KLKB1: variants seen among roughly 807,000 people sequenced by gnomAD.
KLKB1 encodes the protein kallikrein B1, also known as plasma kallikrein.
KLKB1 carries 58 observed loss-of-function variants against 73.6 expected under a neutral mutation model. The observed-to-expected ratio is 0.79, with a 90% CI of 0.64 to 0.98. The LOEUF (loss-of-function observed/expected upper bound fraction) is 0.98, where lower values mean the gene tolerates loss of function less well. Ranked by LOEUF, KLKB1 falls within the 50% of genes least tolerant of loss-of-function variation. The pLI, the probability that KLKB1 is intolerant of heterozygous loss-of-function variation, is 0.00. For missense variants in KLKB1, 737 were observed against 763.8 expected (o/e 0.96, Z 0.41); for synonymous variants, 280 against 258.1 (o/e 1.08, Z -0.81).
At chr4:186,248,346 C>T (rs1344343828) in intron 6 of KLKB1, among the ~76,000 whole-genome samples, 1 of 152,140 alleles carries the variant, frequency 6.6e-6, no homozygotes, top group Non-Finnish European at 1.5e-5. Flanking sequence ...CTCCAATCCC[C>T]TGGCAACCAC....
rs770844018 is a variant in KLKB1 at position 186,238,372 on chromosome 4, G to A, written c.598+7G>A. 1.1e-5 allele frequency: 17 copies of A among 1,572,364 alleles called. No homozygotes were observed. The highest frequency in any genetic ancestry group is 1.7e-4 in the Middle Eastern group (1 of 5,992). Reference sequence around the variant, plus strand: ...TGTGCCCTTTCAGAAATTGGTAATTGTAGGACTACTTCACTTTGTGATTGT... The same window carrying A: ...TGTGCCCTTTCAGAAATTGGTAATTATAGGACTACTTCACTTTGTGATTGT... On this transcript the variant is annotated splice_region_variant and intron_variant, in intron 6 of 14. Transcript: ENST00000264690.
chr4:186,222,947 TG>T (rs1459295696), upstream of KLKB1, among the ~76,000 whole-genome samples: 6 of 152,204 alleles, frequency 3.9e-5, no homozygotes, highest in African/African-American at 1.4e-4. Flanking sequence ...AGGGACCTGT[TG>T]GGAGATGATT....
chr4:186,244,055 C>T (rs1202340347), intron 6 of KLKB1, among the ~76,000 whole-genome samples: 2 of 152,112 alleles, frequency 1.3e-5, no homozygotes, highest in Admixed American at 6.6e-5. Context: ...GGCTACAGGG[C>T]GTGGTCCTGG....
chr4:186,249,059 C>A (rs1306471483), intron 6 of KLKB1, among the ~76,000 whole-genome samples: 1 of 152,174 alleles, frequency 6.6e-6, no homozygotes, highest in African/African-American at 2.4e-5. Flanking sequence ...TTTATATACT[C>A]TGGATACTAC....
At chr4:186,246,530 A>G (rs548182594) in intron 6 of KLKB1, among the ~76,000 whole-genome samples, 184 of 152,310 alleles carry the variant, frequency 1.2e-3, no homozygotes, top group African/African-American at 4.3e-3. Flanking sequence ...ACCATTGTCG[A>G]GTTTGTATTG....
intron 5 of KLKB1, among the ~76,000 whole-genome samples, chr4:186,237,393 C>T (rs549823223): frequency 8.8e-4 from 134 of 152,136 alleles, no homozygotes; most frequent in African/African-American, 3.0e-3. Flanking sequence ...CACTGCGCCT[C>T]GCCCTTCATT....
At chr4:186,221,140 C>A (rs1286951796) in intron 2 of KLKB1, among the ~76,000 whole-genome samples, 1 of 151,738 alleles carries the variant, frequency 6.6e-6, no homozygotes, top group Non-Finnish European at 1.5e-5. Context: ...TCTGTGGTAT[C>A]CATTGTAATC....
At position 186,238,538 on chromosome 4, in the gene KLKB1, C is replaced by T. The variant is rs535732434; in HGVS notation, c.598+173C>T. 5.3e-5 allele frequency among the ~76,000 whole-genome samples: 8 copies of T among 152,242 alleles called. No individual in the cohort carries two copies. In the South Asian group the frequency reaches 1.7e-3, roughly 32 times the overall value. ...AGATGGGGAGTTTACTCTGGATTTT[C>T]TGAATGGGCCCAATGTACTCACAGG... is the stretch of plus-strand genomic sequence containing the variant. On this transcript the variant is annotated intron_variant, in intron 6 of 14. Coordinates refer to ENST00000264690, the MANE Select transcript of KLKB1 (RefSeq NM_000892.5).
intron 6 of KLKB1, among the ~76,000 whole-genome samples, chr4:186,241,826 T>A (rs1390162320): frequency 6.6e-6 from 1 of 152,224 alleles, no homozygotes; most frequent in East Asian, 1.9e-4. Flanking sequence ...AAATAGAGAA[T>A]GTCCTAGAAA....
intron 2 of KLKB1, among the ~76,000 whole-genome samples, chr4:186,215,174 A>G (rs1736856683): frequency 6.6e-6 from 1 of 151,872 alleles, no homozygotes; most frequent in Admixed American, 6.6e-5. Flanking sequence ...TGACTGTCTT[A>G]TTTTAAAAAT....
At chr4:186,249,909 C>T (rs1580025860) in intron 6 of KLKB1, among the ~76,000 whole-genome samples, 1 of 150,544 alleles carries the variant, frequency 6.6e-6, no homozygotes, top group Admixed American at 6.6e-5. Context: ...AACAAAAAAA[C>T]CCTTACATTC....
chr4:186,255,864 A>G, intron 12 of KLKB1, 128 bp from the exon 13 acceptor site: 1 of 696,194 alleles, frequency 1.4e-6, no homozygotes, highest in Non-Finnish European at 2.6e-6. Context: ...GAGGTTGGGC[A>G]GAAAGCAAAA....
chr4:186,231,452 A>C (rs1737395625), intron 2 of KLKB1, among the ~76,000 whole-genome samples: 1 of 152,272 alleles, frequency 6.6e-6, no homozygotes, highest in Non-Finnish European at 1.5e-5. Flanking sequence ...ATTTATTTTC[A>C]ATTTAGCATA....
intron 6 of KLKB1, among the ~76,000 whole-genome samples, chr4:186,247,717 T>G (rs1041892385): frequency 9.9e-5 from 15 of 152,232 alleles, no homozygotes; most frequent in Non-Finnish European, 2.1e-4. Flanking sequence ...CAAGAAAATT[T>G]AATTCTTATG....
chr4:186,218,219 A>C (rs1387026089), intron 2 of KLKB1, among the ~76,000 whole-genome samples: 1 of 152,238 alleles, frequency 6.6e-6, no homozygotes, highest in African/African-American at 2.4e-5. Flanking sequence ...AGTCCCTTCC[A>C]AATCTAAGAT....
Position 186,232,232 on chromosome 4 carries a change from C to T in KLKB1, c.164C>T (p.Pro55Leu), listed in dbSNP as rs1412508210. The stretch of plus-strand genomic sequence containing the variant: ...TGCCAGATGAGGTGCACATTCCACC[C>T]AAGGTGTTTGCTATTCAGTTTTCTT... ...QYCQMRCTFH[P>L]RCLLFSFLPA... The change falls in exon 3 of 15, where the codon CCA (proline) becomes CTA (leucine). Residue 55 changes from proline (P) to leucine (L), a missense_variant. Coordinates refer to ENST00000264690, the MANE Select transcript of KLKB1 (RefSeq NM_000892.5). The T allele has an allele frequency of 6.2e-7, 1 of 1,613,906 alleles. No homozygotes were observed. The highest frequency in any genetic ancestry group is 8.5e-7 in the Non-Finnish European group (1 of 1,179,922).
rs1337095552 is a variant in KLKB1 at position 186,252,128 on chromosome 4, G to T, written c.1256G>T (p.Cys419Phe). The T allele has an allele frequency of 6.2e-7, 1 of 1,613,892 alleles. No homozygotes were observed. The highest frequency in any genetic ancestry group is 2.2e-5 in the East Asian group (1 of 44,894). Residue 419 changes from cysteine (C) to phenylalanine (F), a missense_variant, in exon 11 of 15, where the codon TGT becomes TTT. By Grantham distance (205) the Cys-to-Phe change is radical. Coordinates refer to ENST00000264690, the MANE Select transcript of KLKB1 (RefSeq NM_000892.5). ...AAGCTGACAGCTCAGAGGCACCTGTGTGGAGGGTCACTCATAGGACACCAG... is the reference window on the plus strand; with the variant it reads ...AAGCTGACAGCTCAGAGGCACCTGTTTGGAGGGTCACTCATAGGACACCAG... ...QVKLTAQRHL[C>F]GGSLIGHQWV...
intron 2 of KLKB1, among the ~76,000 whole-genome samples, chr4:186,213,911 T>G (rs1166679428): frequency 6.6e-6 from 1 of 152,194 alleles, no homozygotes; most frequent in Non-Finnish European, 1.5e-5. Context: ...GCACTTTTTA[T>G]TTTTGAAATT....
intron 4 of KLKB1, among the ~76,000 whole-genome samples, chr4:186,235,980 G>A (rs6831878): frequency 0.024 from 3,620 of 151,860 alleles, 139 homozygotes; most frequent in African/African-American, 0.084. Context: ...CGGGCGTGGT[G>A]GCGCGCGCCT....
Sources: allele counts gnomAD v4.1 joint callset (sites outside exome capture counted in the v4.1 genomes callset), GRCh38; gene constraint gnomAD v4.1.1; transcripts MANE v1.5; gene names NCBI Gene and HGNC (gene_info 2026-07-23, HGNC 2026-07-21).